The following ARMH3 variants were observed in gnomAD, a reference collection of about 807,000 sequenced individuals.
ARMH3 encodes armadillo-like helical domain-containing protein 3.
A neutral mutation model predicts 99.1 loss-of-function variants in ARMH3; 60 were observed. That is an observed-to-expected ratio of 0.61 (90% CI 0.49 to 0.75). The LOEUF is 0.75. Ranked by LOEUF, ARMH3 falls within the 30% of genes least tolerant of loss-of-function variation. ARMH3 has a pLI of 0.00. For missense variants in ARMH3, 679 were observed against 843.1 expected, an observed-to-expected ratio of 0.81 and a Z score of 2.41; for synonymous variants, 285 against 292.8, an observed-to-expected ratio of 0.97 and a Z score of 0.27.
intron 24 of ARMH3, among the ~76,000 whole-genome samples, chr10:101,851,703 G>A (rs1282113091): frequency 6.6e-6 from 1 of 152,222 alleles, no homozygotes; most frequent in Non-Finnish European, 1.5e-5. Flanking sequence ...GGGAAGGCTT[G>A]TGTCCCAATG....
chr10:101,968,802 G>C (rs1452176564), intron 20 of ARMH3, among the ~76,000 whole-genome samples: 1 of 152,154 alleles, frequency 6.6e-6, no homozygotes, highest in Non-Finnish European at 1.5e-5. Context: ...AGGGAAAAAA[G>C]CTTCCTGGCA....
intron 10 of ARMH3, among the ~76,000 whole-genome samples, chr10:102,012,228 G>T (rs1329267180): frequency 1.3e-5 from 2 of 152,210 alleles, no homozygotes; most frequent in African/African-American, 2.4e-5. Context: ...TGTGAGAAAA[G>T]TCTAGAGAGG....
chr10:101,928,376 G>A (rs1056805004), intron 23 of ARMH3, among the ~76,000 whole-genome samples: 1 of 152,296 alleles, frequency 6.6e-6, no homozygotes, highest in East Asian at 1.9e-4. Context: ...GCTTGATTCA[G>A]GACAGAGGGC....
intron 19 of ARMH3, among the ~76,000 whole-genome samples, chr10:101,981,351 T>G (rs1312428745): frequency 6.6e-6 from 1 of 152,112 alleles, no homozygotes; most frequent in Non-Finnish European, 1.5e-5. Context: ...TGACCAGGCT[T>G]GGTGGCTCAC....
intron 23 of ARMH3, among the ~76,000 whole-genome samples, chr10:101,893,671 A>G (rs1359339580): frequency 6.6e-6 from 1 of 151,114 alleles, no homozygotes; most frequent in Non-Finnish European, 1.5e-5. Context: ...ATAAGACAGG[A>G]AAAAAAAAGA....
intron 20 of ARMH3, among the ~76,000 whole-genome samples, chr10:101,973,686 G>A (rs1336975704): frequency 6.6e-6 from 1 of 152,206 alleles, no homozygotes; most frequent in East Asian, 1.9e-4. Flanking sequence ...AGATCACAGA[G>A]GCCAGAGATA....
intron 5 of ARMH3, among the ~76,000 whole-genome samples, chr10:102,026,513 A>T (rs1253649388): frequency 1.3e-5 from 2 of 152,188 alleles, no homozygotes; most frequent in Non-Finnish European, 2.9e-5. Flanking sequence ...TATTTTGAAA[A>T]TTCAATAGGA....
intron 1 of ARMH3, among the ~76,000 whole-genome samples, chr10:102,047,212 T>C (rs1199388839): frequency 6.6e-6 from 1 of 152,210 alleles, no homozygotes; most frequent in Non-Finnish European, 1.5e-5. Flanking sequence ...CCCACTATCT[T>C]TGAGGATTTT....
In ARMH3 at chr10:101,847,663, G is replaced by C. The variant is rs757650781; in HGVS notation, c.1978-43C>G. ...GGGAAGGTGGGAGGGCGCAGCCAGA[G>C]AGAAAACAGGAGAGAGTCAGTTCTA... On this transcript the variant is annotated intron_variant, in intron 25 of 25. Coordinates refer to ENST00000370033, the MANE Select transcript of ARMH3 (RefSeq NM_024541.3). 13 of 1,548,224 alleles carry C rather than the reference G, an allele frequency of 8.4e-6. No individual in the cohort carries two copies. In the East Asian group the frequency reaches 2.2e-4, roughly 27 times the overall value.
intron 2 of ARMH3, among the ~76,000 whole-genome samples, chr10:102,037,896 T>G (rs945830106): frequency 2.0e-4 from 31 of 152,008 alleles, no homozygotes; most frequent in Admixed American, 6.6e-4. Flanking sequence ...AGCCACTTAA[T>G]GGATTCTATC....
intron 24 of ARMH3, among the ~76,000 whole-genome samples, chr10:101,867,245 C>CT: frequency 6.6e-6 from 1 of 152,316 alleles, no homozygotes; most frequent in Non-Finnish European, 1.5e-5. Context: ...TCCATTGATT[C>CT]TGTCTCTGAA....
chr10:102,049,600 G>C (rs77003917), intron 1 of ARMH3, among the ~76,000 whole-genome samples: 3 of 125,796 alleles, frequency 2.4e-5, no homozygotes, highest in Non-Finnish European at 5.1e-5. Flanking sequence ...TTTTTTTTTT[G>C]AGATAGGGTC....
intron 5 of ARMH3, 102 bp downstream of exon 5, chr10:102,029,536 C>A (rs1231259934): frequency 6.2e-7 from 1 of 1,609,104 alleles, no homozygotes; most frequent in East Asian, 2.2e-5. Flanking sequence ...TCATCTGTAT[C>A]TTTCTGAGTC....
chr10:101,958,449 T>C (rs1845141340), intron 20 of ARMH3, among the ~76,000 whole-genome samples: 1 of 152,216 alleles, frequency 6.6e-6, no homozygotes, highest in Non-Finnish European at 1.5e-5. Flanking sequence ...GCTTCAGACA[T>C]TTTTGCAAAT....
intron 23 of ARMH3, among the ~76,000 whole-genome samples, chr10:101,893,335 TA>T (rs2067738466): frequency 6.6e-6 from 1 of 152,218 alleles, no homozygotes. Context: ...TATGCTTTTT[TA>T]GGTTTTGTTT....
intron 4 of ARMH3, 63 bp from the exon 5 acceptor site, chr10:102,029,808 T>C: frequency 6.9e-7 from 1 of 1,451,384 alleles, no homozygotes; most frequent in Non-Finnish European, 9.5e-7. Context: ...AGACCCACAT[T>C]GCAGCCTCAT....
intron 24 of ARMH3, among the ~76,000 whole-genome samples, chr10:101,878,805 T>C (rs1367642257): frequency 6.6e-6 from 1 of 151,698 alleles, no homozygotes; most frequent in Non-Finnish European, 1.5e-5. Context: ...CCAGCCTGCA[T>C]GACAGAACAA....
chr10:101,900,154 C>T (rs1340206172), intron 23 of ARMH3, among the ~76,000 whole-genome samples: 2 of 152,190 alleles, frequency 1.3e-5, no homozygotes, highest in African/African-American at 4.8e-5. Context: ...TCAGATCCAT[C>T]ACTCTGTGCT....
chr10:101,922,624 T>C (rs1481969038), intron 23 of ARMH3, among the ~76,000 whole-genome samples: 1 of 152,176 alleles, frequency 6.6e-6, no homozygotes, highest in East Asian at 1.9e-4. Flanking sequence ...TATATATTCA[T>C]TAATAGAATT....
Sources: gnomAD v4.1 joint callset for allele counts (sites outside exome capture counted in the v4.1 genomes callset) on GRCh38, gnomAD v4.1.1 for gene constraint, MANE v1.5 for transcripts, NCBI Gene and HGNC (gene_info 2026-07-23, HGNC 2026-07-21) for gene names.